Variants in XKR9 observed in about 807,000 individuals in gnomAD.
XKR9 encodes XK related 9, also known as XK-related protein 9.
XKR9 carries 32 observed loss-of-function variants against 32.0 expected under a neutral mutation model. That is an observed-to-expected ratio of 1.00 (90% CI 0.76 to 1.34). XKR9 has a LOEUF of 1.34. Among genes scored for constraint, XKR9 ranks in the 40% most tolerant of loss-of-function variants. XKR9 has a pLI of 0.00. For missense variants in XKR9, 546 were observed against 429.7 expected, an observed-to-expected ratio of 1.27 and a Z score of -2.39; for synonymous variants, 168 against 143.4, an observed-to-expected ratio of 1.17 and a Z score of -1.22.
chr8:70,727,558 G>A (rs918320813), intron 4 of XKR9, among the ~76,000 whole-genome samples: 2 of 151,926 alleles, frequency 1.3e-5, no homozygotes, highest in African/African-American at 2.4e-5. Flanking sequence ...ACACCACCAC[G>A]CCTGGCTAAT....
the XKR9 span, among the ~76,000 whole-genome samples, chr8:70,952,863 T>C: frequency 6.6e-6 from 1 of 152,262 alleles, no homozygotes; most frequent in African/African-American, 2.4e-5. Context: ...GAGAACTCTT[T>C]GGTTACTGAT....
the XKR9 span, among the ~76,000 whole-genome samples, chr8:70,941,225 T>C: frequency 6.6e-6 from 1 of 151,962 alleles, no homozygotes; most frequent in South Asian, 2.1e-4. Context: ...TTATATAATA[T>C]GTAACCTTTT....
chr8:70,909,703 C>CTTTTT, the XKR9 span, among the ~76,000 whole-genome samples: 90 of 91,200 alleles, frequency 9.9e-4, 2 homozygotes, highest in African/African-American at 3.5e-3. Flanking sequence ...TCGATTTATC[C>CTTTTT]TTTTTTTTTT....
At chr8:71,020,142 A>C in the XKR9 span, among the ~76,000 whole-genome samples, 1 of 152,222 alleles carries the variant, frequency 6.6e-6, no homozygotes, top group Non-Finnish European at 1.5e-5. Context: ...TGGAATAATC[A>C]GTAGTTCTTA....
At chr8:70,879,347 A>T in the XKR9 span, among the ~76,000 whole-genome samples, 1 of 150,876 alleles carries the variant, frequency 6.6e-6, no homozygotes, top group African/African-American at 2.5e-5. Context: ...AAATCCCTTT[A>T]AAAAAAACAA....
intron 2 of XKR9, among the ~76,000 whole-genome samples, chr8:70,746,544 A>G (rs1807062114): frequency 6.6e-6 from 1 of 151,016 alleles, no homozygotes; most frequent in Admixed American, 6.6e-5. Context: ...TCTTTTAGAT[A>G]TATTGCTTTG....
the XKR9 span, among the ~76,000 whole-genome samples, chr8:70,822,249 C>T: frequency 6.4e-4 from 97 of 151,840 alleles, no homozygotes; most frequent in African/African-American, 9.2e-4. Flanking sequence ...TTTTTTTATC[C>T]GGGCAATAAT....
At chr8:70,736,474 A>G (rs1236960714), downstream of XKR9, among the ~76,000 whole-genome samples, 2 of 152,184 alleles carry the variant, frequency 1.3e-5, no homozygotes, top group African/African-American at 4.8e-5. Context: ...TATTTTAATT[A>G]GATCCCATTT....
chr8:70,799,700 T>C, the XKR9 span, among the ~76,000 whole-genome samples: 1 of 152,174 alleles, frequency 6.6e-6, no homozygotes, highest in Admixed American at 6.5e-5. Flanking sequence ...CTGATTTTTG[T>C]ATATTGATTT....
intron 4 of XKR9, among the ~76,000 whole-genome samples, chr8:70,721,714 G>A (rs181849854): frequency 1.0e-3 from 154 of 152,082 alleles, no homozygotes; most frequent in Non-Finnish European, 1.5e-3. Context: ...GGAGGGTTTC[G>A]CTTCCAATTA....
chr8:70,723,511 AT>A, intron 4 of XKR9, among the ~76,000 whole-genome samples: 1 of 151,932 alleles, frequency 6.6e-6, no homozygotes, highest in Admixed American at 6.6e-5. Flanking sequence ...CTTTTTGTTG[AT>A]GTTGATGTTG....
the XKR9 span, among the ~76,000 whole-genome samples, chr8:71,012,739 T>C: frequency 6.6e-6 from 1 of 152,096 alleles, no homozygotes; most frequent in Non-Finnish European, 1.5e-5. Flanking sequence ...AAATTTCAGG[T>C]GAAGAAAGTA....
chr8:71,016,772 A>G, the XKR9 span, among the ~76,000 whole-genome samples: 1 of 152,204 alleles, frequency 6.6e-6, no homozygotes, highest in Non-Finnish European at 1.5e-5. Flanking sequence ...TAACAATTAA[A>G]CAGGGAATTT....
chr8:70,824,685 A>T, the XKR9 span, among the ~76,000 whole-genome samples: 1 of 152,078 alleles, frequency 6.6e-6, no homozygotes, highest in Non-Finnish European at 1.5e-5. Context: ...TCTCTCAAAA[A>T]TTCTATGGAG....
the XKR9 span, among the ~76,000 whole-genome samples, chr8:71,009,339 T>C: frequency 2.0e-5 from 3 of 152,220 alleles, no homozygotes; most frequent in Non-Finnish European, 4.4e-5. Context: ...GTTTTGTTTT[T>C]TGTTTTTTGC....
the XKR9 span, among the ~76,000 whole-genome samples, chr8:70,953,525 T>C: frequency 6.6e-6 from 1 of 152,140 alleles, no homozygotes; most frequent in Admixed American, 6.5e-5. Context: ...TTGCCCAGGC[T>C]GGTCTTGAAC....
At chr8:70,898,274 C>T in the XKR9 span, among the ~76,000 whole-genome samples, 1 of 152,078 alleles carries the variant, frequency 6.6e-6, no homozygotes, top group Non-Finnish European at 1.5e-5. Flanking sequence ...TTCCATTGAT[C>T]GATGTGTCTC....
intron 1 of XKR9, among the ~76,000 whole-genome samples, chr8:70,673,044 G>C (rs1818768903): frequency 6.6e-6 from 1 of 152,156 alleles, no homozygotes; most frequent in Non-Finnish European, 1.5e-5. Context: ...TTCCTTTGCT[G>C]TGCAGAAACT....
At chr8:70,959,594 G>C in the XKR9 span, among the ~76,000 whole-genome samples, 1 of 152,196 alleles carries the variant, frequency 6.6e-6, no homozygotes, top group Admixed American at 6.5e-5. Context: ...CAGTGGACTT[G>C]CTGACTTATG....
Sources: allele counts gnomAD v4.1 joint callset (sites outside exome capture counted in the v4.1 genomes callset), GRCh38; gene constraint gnomAD v4.1.1; transcripts MANE v1.5; gene names NCBI Gene and HGNC (gene_info 2026-07-23, HGNC 2026-07-21).